Variants in PLPPR1 observed in about 807,000 individuals in gnomAD.
PLPPR1 encodes the protein phospholipid phosphatase-related protein type 1.
PLPPR1 carries 10 observed loss-of-function variants against 33.1 expected under a neutral mutation model. The ratio of observed to expected loss-of-function variants is 0.30; its 90% CI spans 0.19 to 0.51. The LOEUF is 0.51. Among genes scored for constraint, PLPPR1 ranks in the 20% least tolerant of loss-of-function variants. PLPPR1 has a pLI of 0.97. For missense variants in PLPPR1, 304 were observed against 408.1 expected (o/e 0.74, Z 2.20); for synonymous variants, 151 against 151.0 (o/e 1.00, Z 0.00).
intron 1 of PLPPR1, among the ~76,000 whole-genome samples, chr9:101,083,919 A>G (rs1457615762): frequency 6.6e-6 from 1 of 152,236 alleles, no homozygotes; most frequent in African/African-American, 2.4e-5. Context: ...TAATCTTTAC[A>G]GCTCATCTGT....
intron 3 of PLPPR1, among the ~76,000 whole-genome samples, chr9:101,272,172 T>G (rs1421287696): frequency 1.3e-5 from 2 of 152,160 alleles, no homozygotes; most frequent in Non-Finnish European, 2.9e-5. Flanking sequence ...TATATCAAAT[T>G]TTTTAAAAGA....
chr9:101,091,651 T>C (rs927554931), intron 1 of PLPPR1, among the ~76,000 whole-genome samples: 2 of 152,226 alleles, frequency 1.3e-5, no homozygotes, highest in Non-Finnish European at 2.9e-5. Flanking sequence ...GTTAGCAACC[T>C]AATTCCATCT....
At chr9:101,141,382 A>T (rs929625812) in intron 1 of PLPPR1, among the ~76,000 whole-genome samples, 2 of 152,304 alleles carry the variant, frequency 1.3e-5, no homozygotes, top group East Asian at 3.9e-4. Flanking sequence ...GATGTGAATT[A>T]TCTTATTTAA....
chr9:101,238,209 T>C (rs972979765), intron 2 of PLPPR1, among the ~76,000 whole-genome samples: 14 of 136,828 alleles, frequency 1.0e-4, no homozygotes, highest in African/African-American at 2.7e-4. Context: ...CCTATATATA[T>C]ACCTATATAT....
At chr9:101,157,979 G>A (rs959875707) in intron 1 of PLPPR1, among the ~76,000 whole-genome samples, 1 of 152,082 alleles carries the variant, frequency 6.6e-6, no homozygotes, top group South Asian at 2.1e-4. Context: ...ACTCCAGCCT[G>A]GGTGACAGAT....
intron 1 of PLPPR1, among the ~76,000 whole-genome samples, chr9:101,059,058 C>CTT (rs1441315717): frequency 6.6e-6 from 1 of 152,072 alleles, no homozygotes; most frequent in Non-Finnish European, 1.5e-5. Flanking sequence ...TGTGAAATAA[C>CTT]TTTTTGGTCT....
At chr9:101,052,989 T>C (rs1287100619) in intron 1 of PLPPR1, among the ~76,000 whole-genome samples, 1 of 152,150 alleles carries the variant, frequency 6.6e-6, no homozygotes, top group Non-Finnish European at 1.5e-5. Context: ...CTTTGATCAG[T>C]CAGGTGAGAG....
At chr9:101,255,852 G>GCAT (rs1402006783) in intron 2 of PLPPR1, among the ~76,000 whole-genome samples, 1 of 152,134 alleles carries the variant, frequency 6.6e-6, no homozygotes, top group Non-Finnish European at 1.5e-5. Flanking sequence ...CCCCAATAGT[G>GCAT]CATCTATGTG....
In PLPPR1 at chr9:101,324,056, G is replaced by C; in HGVS notation, c.977G>C (p.Ter326SerextTer3). The C allele has an allele frequency of 6.2e-7, 1 of 1,611,898 alleles. No homozygotes were observed. The highest frequency in any genetic ancestry group is 8.5e-7 in the Non-Finnish European group (1 of 1,178,208). ...NHSASMTEVT[*>S] ...TCTGCGTCCATGACCGAAGTTACCT[G>C]AGACGACTGATGTGTCACAAGCTGT... The change falls in exon 8 of 8, where the codon TGA becomes TCA. Residue 326 changes from the stop codon to serine (S), a stop_lost. Coordinates refer to ENST00000374874, the MANE Select transcript of PLPPR1 (RefSeq NM_207299.2).
chr9:101,279,218 T>C (rs1564025163), intron 3 of PLPPR1, among the ~76,000 whole-genome samples: 1 of 152,114 alleles, frequency 6.6e-6, no homozygotes, highest in Non-Finnish European at 1.5e-5. Context: ...GTGAGCACAA[T>C]GAGAAATTTA....
chr9:101,241,599 G>A (rs1827466674), intron 2 of PLPPR1, among the ~76,000 whole-genome samples: 2 of 152,072 alleles, frequency 1.3e-5, no homozygotes, highest in African/African-American at 4.8e-5. Context: ...ACCTAAGAAT[G>A]TGGCGTTGGC....
chr9:101,095,179 G>A (rs183618006), intron 1 of PLPPR1, among the ~76,000 whole-genome samples: 78 of 152,272 alleles, frequency 5.1e-4, no homozygotes, highest in African/African-American at 1.9e-3. Context: ...ATCCTCATGT[G>A]CCTCAGTCAA....
At chr9:101,278,671 C>T (rs572122269) in intron 3 of PLPPR1, among the ~76,000 whole-genome samples, 1 of 152,284 alleles carries the variant, frequency 6.6e-6, no homozygotes, top group African/African-American at 2.4e-5. Flanking sequence ...CTGGCAGGCA[C>T]CCACAGCCCC....
intron 6 of PLPPR1, among the ~76,000 whole-genome samples, chr9:101,315,187 C>A (rs879326301): frequency 3.9e-5 from 6 of 152,084 alleles, no homozygotes; most frequent in African/African-American, 1.2e-4. Flanking sequence ...AGTGAGCAGG[C>A]CTCATTTTTT....
intron 1 of PLPPR1, among the ~76,000 whole-genome samples, chr9:101,052,995 G>A (rs1425439152): frequency 6.6e-6 from 1 of 152,150 alleles, no homozygotes; most frequent in African/African-American, 2.4e-5. Flanking sequence ...TCAGTCAGGT[G>A]AGAGTAAAAG....
At chr9:101,274,619 G>T (rs910637430) in intron 3 of PLPPR1, among the ~76,000 whole-genome samples, 3 of 152,290 alleles carry the variant, frequency 2.0e-5, no homozygotes, top group Admixed American at 2.0e-4. Flanking sequence ...GAAGTTTCAT[G>T]GGAACAGTTT....
intron 3 of PLPPR1, among the ~76,000 whole-genome samples, chr9:101,275,781 G>A (rs922024071): frequency 2.0e-5 from 3 of 152,178 alleles, no homozygotes; most frequent in African/African-American, 7.2e-5. Context: ...AGTGACAGGG[G>A]AGTATTTAGT....
chr9:101,268,285 AAAAAAAG>A (rs1270628756), intron 2 of PLPPR1, among the ~76,000 whole-genome samples: 22 of 152,108 alleles, frequency 1.4e-4, no homozygotes, highest in African/African-American at 4.8e-4. Flanking sequence ...GATGTGAAAA[AAAAAAAG>A]AAAAAAGAAA....
At chr9:101,268,170 G>A (rs1026081604) in intron 2 of PLPPR1, among the ~76,000 whole-genome samples, 2 of 151,548 alleles carry the variant, frequency 1.3e-5, no homozygotes, top group Non-Finnish European at 2.9e-5. Context: ...ATTAATGAGT[G>A]CAGCACACCA....
Sources: allele counts gnomAD v4.1 joint callset (sites outside exome capture counted in the v4.1 genomes callset), GRCh38; gene constraint gnomAD v4.1.1; transcripts MANE v1.5; gene names NCBI Gene and HGNC (gene_info 2026-07-23, HGNC 2026-07-21).